ANAPC10: variants seen among roughly 807,000 people sequenced by gnomAD.
ANAPC10 encodes the protein anaphase promoting complex subunit 10, also known as anaphase-promoting complex subunit 10.
In ANAPC10, 12 loss-of-function variants were observed where a neutral mutation model predicts 22.0. The observed-to-expected ratio is 0.55, with a 90% CI of 0.35 to 0.88. ANAPC10 has a LOEUF of 0.88. Ranked by LOEUF, ANAPC10 falls within the 40% of genes least tolerant of loss-of-function variation. The pLI, the probability that ANAPC10 is intolerant of heterozygous loss-of-function variation, is 0.01. For missense variants in ANAPC10, 188 were observed against 220.9 expected (o/e 0.85, Z 0.94); for synonymous variants, 65 against 69.5 (o/e 0.94, Z 0.32).
chr4:145,035,269 T>C (rs1468816552), intron 4 of ANAPC10: 1 of 152,194 alleles, frequency 6.6e-6, no homozygotes, highest in Non-Finnish European at 1.5e-5. Flanking sequence ...GCTGTGTGCT[T>C]GGTCAAAGAG....
intron 2 of ANAPC10, among the ~76,000 whole-genome samples, chr4:145,091,844 C>T (rs1199068982): frequency 1.3e-5 from 2 of 152,016 alleles, no homozygotes; most frequent in Non-Finnish European, 2.9e-5. Flanking sequence ...ACTATCCAGC[C>T]ATAAAAAGGA....
chr4:145,086,567 T>C (rs1746934178), intron 2 of ANAPC10, among the ~76,000 whole-genome samples: 1 of 152,186 alleles, frequency 6.6e-6, no homozygotes, highest in Admixed American at 6.5e-5. Context: ...ATAAATCCTC[T>C]AGGTGATTCT....
chr4:145,087,411 C>T (rs1363662389), intron 2 of ANAPC10, among the ~76,000 whole-genome samples: 1 of 151,840 alleles, frequency 6.6e-6, no homozygotes, highest in African/African-American at 2.4e-5. Context: ...GGCTGGAGTA[C>T]AGTGGTACGA....
At chr4:145,021,677 G>A (rs1001044728) in intron 4 of ANAPC10, among the ~76,000 whole-genome samples, 3 of 152,086 alleles carry the variant, frequency 2.0e-5, no homozygotes, top group Non-Finnish European at 4.4e-5. Flanking sequence ...TAAATTGCTA[G>A]GACTTAATTA....
In ANAPC10 at chr4:145,008,228, T is replaced by C. The variant is rs569343171; in HGVS notation, c.328-12625A>G. ...CAACCAAAACAAGTCCAGGACCAGA[T>C]GGATTCACAGACAAATTCTACCAGA... On this transcript the variant is annotated intron_variant, in intron 4 of 4. Transcript: ENST00000507656. Among the ~76,000 whole-genome samples, 8 of 152,246 alleles carry C rather than the reference T, an allele frequency of 5.3e-5. No individual in the cohort carries two copies. The South Asian group carries it at 6.2e-4, about 12-fold the overall frequency.
In ANAPC10 at chr4:145,095,950, T is replaced by C. The variant is rs1748442779; in HGVS notation, c.115+35A>G. 2.5e-6 allele frequency: 4 copies of C among 1,613,822 alleles called. No homozygotes were observed. The East Asian group carries it at 8.9e-5, about 36-fold the overall frequency. On this transcript the variant is annotated intron_variant, in intron 2 of 4. Transcript: ENST00000507656. ...CCTGTACAAGGAAACTGCAAGTGAC[T>C]ATTTCCAACAGCTTTTTTGTTTGTT...
At chr4:145,036,098 A>T (rs1252171027) in intron 4 of ANAPC10, among the ~76,000 whole-genome samples, 2 of 152,114 alleles carry the variant, frequency 1.3e-5, no homozygotes, top group African/African-American at 4.8e-5. Flanking sequence ...AATAATGCCT[A>T]AAAAAAATTT....
At chr4:145,081,039 G>C (rs777599663) in intron 3 of ANAPC10, among the ~76,000 whole-genome samples, 8 of 152,060 alleles carry the variant, frequency 5.3e-5, no homozygotes, top group Non-Finnish European at 1.2e-4. Flanking sequence ...GGGAGGCTGA[G>C]GTGGGAGGAA....
At chr4:145,095,712 T>C (rs1045457749) in intron 2 of ANAPC10, among the ~76,000 whole-genome samples, 1 of 152,242 alleles carries the variant, frequency 6.6e-6, no homozygotes, top group Non-Finnish European at 1.5e-5. Context: ...ACAAAACTTT[T>C]ATTACTTTAT....
At chr4:145,082,986 C>T (rs1426932538) in intron 2 of ANAPC10, among the ~76,000 whole-genome samples, 1 of 152,102 alleles carries the variant, frequency 6.6e-6, no homozygotes, top group East Asian at 1.9e-4. Context: ...TTCACAGATA[C>T]TATATGCATA....
intron 4 of ANAPC10, among the ~76,000 whole-genome samples, chr4:145,002,392 TAAG>T (rs1227139110): frequency 6.6e-6 from 1 of 151,674 alleles, no homozygotes; most frequent in African/African-American, 2.4e-5. Context: ...GGCGACCACC[TAAG>T]AAGATGACTT....
chr4:145,020,863 GA>G (rs894645718), intron 4 of ANAPC10, among the ~76,000 whole-genome samples: 3 of 149,960 alleles, frequency 2.0e-5, no homozygotes, highest in Admixed American at 6.6e-5. Flanking sequence ...AAAAGACAAA[GA>G]AAAAAACTTA....
At chr4:145,012,090 T>C (rs1377937533) in intron 4 of ANAPC10, among the ~76,000 whole-genome samples, 1 of 151,298 alleles carries the variant, frequency 6.6e-6, no homozygotes, top group East Asian at 1.9e-4. Context: ...GAACTTTCCC[T>C]AGAAAAAGAA....
intron 4 of ANAPC10, among the ~76,000 whole-genome samples, chr4:145,035,626 G>A (rs1578985961): frequency 6.6e-6 from 1 of 152,300 alleles, no homozygotes; most frequent in African/African-American, 2.4e-5. Context: ...CAAGATTGGA[G>A]GCAGTGAACA....
chr4:145,054,629 G>A (rs1741691784), intron 4 of ANAPC10, among the ~76,000 whole-genome samples: 1 of 131,602 alleles, frequency 7.6e-6, no homozygotes, highest in Non-Finnish European at 1.7e-5. Context: ...GTGTGTGTGT[G>A]TGTGTGTGTG....
intron 4 of ANAPC10, among the ~76,000 whole-genome samples, chr4:145,012,929 T>C (rs1002194732): frequency 2.6e-5 from 4 of 152,174 alleles, no homozygotes; most frequent in Non-Finnish European, 5.9e-5. Context: ...CCTTTGGTGC[T>C]GTTCTCATGA....
chr4:145,031,348 A>G (rs533169813), intron 4 of ANAPC10, among the ~76,000 whole-genome samples: 1 of 152,308 alleles, frequency 6.6e-6, no homozygotes, highest in African/African-American at 2.4e-5. Flanking sequence ...AAATCCAACT[A>G]AAATTCCGGG....
chr4:145,038,817 GTC>G (rs1248100913), intron 4 of ANAPC10, among the ~76,000 whole-genome samples: 1 of 84,742 alleles, frequency 1.2e-5, no homozygotes, highest in African/African-American at 5.9e-5. Flanking sequence ...GTGAGACTCT[GTC>G]TCAAAAAAAA....
At chr4:145,035,722 C>G (rs1448264953) in intron 4 of ANAPC10, among the ~76,000 whole-genome samples, 19 of 152,232 alleles carry the variant, frequency 1.2e-4, no homozygotes, top group Admixed American at 1.2e-3. Context: ...TTACATAAAT[C>G]TTCACTTTCA....
Sources: gnomAD v4.1 joint callset for allele counts (sites outside exome capture counted in the v4.1 genomes callset) on GRCh38, gnomAD v4.1.1 for gene constraint, MANE v1.5 for transcripts, NCBI Gene and HGNC (gene_info 2026-07-23, HGNC 2026-07-21) for gene names.